Variants in STIM1 observed in about 807,000 individuals in gnomAD.
STIM1 encodes the protein stromal interaction molecule 1.
Under a neutral mutation model 74.7 loss-of-function variants are expected in STIM1, and 25 were observed. That is an observed-to-expected ratio of 0.33 (90% CI 0.24 to 0.47). The LOEUF (loss-of-function observed/expected upper bound fraction) is 0.47, where lower values mean the gene tolerates loss of function less well. STIM1 is among the 20% of genes least tolerant of loss of function. STIM1 has a pLI of 1.00. For missense variants in STIM1, 728 were observed against 920.8 expected, an observed-to-expected ratio of 0.79 and a Z score of 2.71; for synonymous variants, 328 against 348.8, an observed-to-expected ratio of 0.94 and a Z score of 0.66.
intron 1 of STIM1, among the ~76,000 whole-genome samples, chr11:3,882,345 C>T (rs1321981539): frequency 1.3e-5 from 2 of 151,340 alleles, no homozygotes; most frequent in African/African-American, 4.8e-5. Context: ...GTGATTCGCC[C>T]ACCTCAGCCT....
intron 2 of STIM1, among the ~76,000 whole-genome samples, chr11:3,987,437 T>A (rs73429610): frequency 6.6e-6 from 1 of 152,054 alleles, no homozygotes. Context: ...CAGTTAAGAG[T>A]GGAAAACTTT....
At chr11:3,885,848 C>A (rs1034231344) in intron 1 of STIM1, among the ~76,000 whole-genome samples, 2 of 152,062 alleles carry the variant, frequency 1.3e-5, no homozygotes, top group Non-Finnish European at 2.9e-5. Flanking sequence ...GTGTTGCCCA[C>A]GCTGGTGTCA....
chr11:3,928,432 G>A (rs757244395), intron 1 of STIM1, among the ~76,000 whole-genome samples: 42 of 152,034 alleles, frequency 2.8e-4, no homozygotes, highest in Non-Finnish European at 5.9e-4. Context: ...TCACCGTGTT[G>A]GCCAGGCTGG....
chr11:3,979,598 A>G (rs2093481639), intron 2 of STIM1, among the ~76,000 whole-genome samples: 1 of 151,992 alleles, frequency 6.6e-6, no homozygotes, highest in Non-Finnish European at 1.5e-5. Flanking sequence ...GGTGTGCACC[A>G]CCACACTAGG....
intron 2 of STIM1, among the ~76,000 whole-genome samples, chr11:4,003,613 C>G (rs1189057014): frequency 6.6e-6 from 1 of 152,018 alleles, no homozygotes; most frequent in Admixed American, 6.6e-5. Flanking sequence ...CTATCTATGA[C>G]AGACCCACAG....
intron 2 of STIM1, among the ~76,000 whole-genome samples, chr11:3,992,098 T>G (rs1175346123): frequency 8.0e-5 from 11 of 137,234 alleles, no homozygotes; most frequent in Admixed American, 4.4e-4. Flanking sequence ...TGTTTTTTTT[T>G]TTTTTTTTTT....
At chr11:4,083,176 C>CA in intron 9 of STIM1, 87 bp from the exon 10 acceptor site, 1 of 1,429,088 alleles carries the variant, frequency 7.0e-7, no homozygotes, top group Non-Finnish European at 9.8e-7. Context: ...CACATATTCT[C>CA]AAAACTTGTT....
rs78285130 is a variant in STIM1, at chr11:3,956,823, C to CAAA, written c.140-10703_140-10701dup. On this transcript the variant is annotated intron_variant, in intron 1 of 12. Coordinates refer to ENST00000526596, the MANE Select transcript of STIM1 (RefSeq NM_001382567.1). ...GGGTGACAGAGCAAGACCCTGTCTC[C>CAAA]AAAAAAAAAAAAAAAAAAAAAAAAA... Among the ~76,000 whole-genome samples, 323 of 38,184 alleles carry CAAA rather than the reference C, an allele frequency of 8.5e-3. 25 individuals carry two copies. The highest frequency in any genetic ancestry group is 0.023 in the African/African-American group (306 of 13,412). The allele number at this position is 38,184 out of a possible 152,430, so 25.1% of individuals were successfully genotyped here. A position where few individuals can be genotyped will look rare whatever the true frequency, so the allele number is the denominator to read the frequency against.
At chr11:3,990,608 ACTTG>A (rs2135845736) in intron 2 of STIM1, among the ~76,000 whole-genome samples, 1 of 152,210 alleles carries the variant, frequency 6.6e-6, no homozygotes, top group African/African-American at 2.4e-5. Flanking sequence ...GCTCATCAAC[ACTTG>A]TTATTGTCTG....
At chr11:3,913,706 A>G (rs2092599969) in intron 1 of STIM1, among the ~76,000 whole-genome samples, 2 of 152,156 alleles carry the variant, frequency 1.3e-5, no homozygotes, top group African/African-American at 4.8e-5. Flanking sequence ...GTACATTCAC[A>G]ATGTTGTACA....
chr11:4,086,742 C>T, intron 12 of STIM1, 199 bp downstream of exon 12: 3 of 1,537,594 alleles, frequency 2.0e-6, no homozygotes, highest in Non-Finnish European at 2.6e-6. Flanking sequence ...TCACCACCGT[C>T]CATGTCCACC....
chr11:3,898,755 C>G (rs1450019232), intron 1 of STIM1, among the ~76,000 whole-genome samples: 1 of 150,062 alleles, frequency 6.7e-6, no homozygotes, highest in Non-Finnish European at 1.5e-5. Flanking sequence ...TTTCCCAGCA[C>G]CATTTATTAA....
intron 1 of STIM1, among the ~76,000 whole-genome samples, chr11:3,900,021 G>T (rs2092307005): frequency 1.3e-5 from 2 of 152,258 alleles, no homozygotes; most frequent in Non-Finnish European, 2.9e-5. Flanking sequence ...TCAGGATGAT[G>T]CTGGCCTCAT....
At chr11:3,911,354 T>C (rs1376193471) in intron 1 of STIM1, among the ~76,000 whole-genome samples, 3 of 152,328 alleles carry the variant, frequency 2.0e-5, no homozygotes, top group South Asian at 4.1e-4. Context: ...CAAACATTTT[T>C]CTATGCTATT....
intron 3 of STIM1, among the ~76,000 whole-genome samples, chr11:4,048,399 C>A (rs1012570439): frequency 6.6e-6 from 1 of 152,154 alleles, no homozygotes; most frequent in Non-Finnish European, 1.5e-5. Flanking sequence ...TAAACAAAAA[C>A]AGATTTATAC....
intron 1 of STIM1, among the ~76,000 whole-genome samples, chr11:3,904,211 A>AAAAAAAAAAAAAAAG (rs2092419646): frequency 6.6e-6 from 1 of 150,660 alleles, no homozygotes; most frequent in Non-Finnish European, 1.5e-5. Context: ...AAAAAAAAAA[A>AAAAAAAAAAAAAAAG]AAAAAAAAGA....
At position 3,856,463 on chromosome 11, in the gene STIM1, T is replaced by G. The variant is rs2090375209; in HGVS notation, c.139+54T>G. On this transcript the variant is annotated intron_variant, in intron 1 of 12. Transcript: ENST00000526596. Reference sequence around the variant, plus strand: ...CTGGAGGCTTTGGCTCAGGACTGAGTGGCCCGAAGTGGGCAAGTTGAAATC... The same window carrying G: ...CTGGAGGCTTTGGCTCAGGACTGAGGGGCCCGAAGTGGGCAAGTTGAAATC... 3.2e-6 allele frequency: 5 copies of G among 1,578,722 alleles called. No homozygotes were observed. The South Asian group carries it at 5.7e-5, about 18-fold the overall frequency.
At chr11:3,899,130 G>T (rs1565107002) in intron 1 of STIM1, among the ~76,000 whole-genome samples, 1 of 152,156 alleles carries the variant, frequency 6.6e-6, no homozygotes, top group Non-Finnish European at 1.5e-5. Flanking sequence ...TCACGATATT[G>T]ATTCTTCCTA....
intron 12 of STIM1, among the ~76,000 whole-genome samples, chr11:4,087,063 C>A (rs2094498271): frequency 6.6e-6 from 1 of 152,144 alleles, no homozygotes; most frequent in East Asian, 1.9e-4. Context: ...TTTGCTGACT[C>A]TAAAAATGAG....
Sources: allele counts gnomAD v4.1 joint callset (sites outside exome capture counted in the v4.1 genomes callset), GRCh38; gene constraint gnomAD v4.1.1; transcripts MANE v1.5; gene names NCBI Gene and HGNC (gene_info 2026-07-23, HGNC 2026-07-21).